Variants in SH3D19 observed in about 807,000 individuals in gnomAD.
SH3D19 encodes the protein SH3 domain-containing protein 19.
In SH3D19, 58 loss-of-function variants were observed where a neutral mutation model predicts 112.1. The ratio of observed to expected loss-of-function variants is 0.52; its 90% CI spans 0.42 to 0.64. The LOEUF (loss-of-function observed/expected upper bound fraction) is 0.64, where lower values mean the gene tolerates loss of function less well. SH3D19 is among the 30% of genes least tolerant of loss of function. The pLI is 0.00. For synonymous variants in SH3D19, 391 were observed against 448.5 expected (o/e 0.87, Z 1.62); for missense variants, 1,090 against 1,263.4 (o/e 0.86, Z 2.08).
intron 1 of SH3D19, among the ~76,000 whole-genome samples, chr4:151,301,281 G>T (rs545768002): frequency 1.7e-4 from 26 of 152,330 alleles, no homozygotes; most frequent in Non-Finnish European, 3.5e-4. Flanking sequence ...AGGCTGGAGC[G>T]CAATGGCGCA....
chr4:151,312,149 T>C (rs1729518592), intron 1 of SH3D19, among the ~76,000 whole-genome samples: 1 of 152,130 alleles, frequency 6.6e-6, no homozygotes, highest in African/African-American at 2.4e-5. Context: ...ATGTTGTACA[T>C]CTTGAATATA....
At chr4:151,205,640 C>T (rs1167848809) in intron 2 of SH3D19, among the ~76,000 whole-genome samples, 1 of 152,120 alleles carries the variant, frequency 6.6e-6, no homozygotes, top group Non-Finnish European at 1.5e-5. Flanking sequence ...TCCAAGATTC[C>T]AATTTAAATT....
At chr4:151,258,996 C>T (rs536719417) in intron 1 of SH3D19, among the ~76,000 whole-genome samples, 2 of 152,190 alleles carry the variant, frequency 1.3e-5, no homozygotes, top group East Asian at 1.9e-4. Flanking sequence ...GGAAAGGCTG[C>T]ACAGGGCATG....
At chr4:151,280,501 C>T (rs1774109488) in intron 1 of SH3D19, among the ~76,000 whole-genome samples, 1 of 152,190 alleles carries the variant, frequency 6.6e-6, no homozygotes, top group South Asian at 2.1e-4. Flanking sequence ...TGATTCCTGA[C>T]CCATAAAAAC....
intron 1 of SH3D19, among the ~76,000 whole-genome samples, chr4:151,288,614 A>G (rs1210768848): frequency 6.6e-6 from 1 of 151,772 alleles, no homozygotes; most frequent in Non-Finnish European, 1.5e-5. Flanking sequence ...GGGCGTAGTG[A>G]GCTGAGATCT....
rs1748072457 is a variant in SH3D19, at chr4:151,122,225, T to C, written c.3028-18A>G. 1 of 1,354,002 alleles carries C rather than the reference T, an allele frequency of 7.4e-7. No individual in the cohort carries two copies. Among genetic ancestry groups the C allele is most frequent in the African/African-American group, 1.4e-5 (1 of 69,652 alleles). The allele number at this position is 1,354,002 out of a possible 1,614,324, so 83.9% of individuals were successfully genotyped here. On this transcript the variant is annotated intron_variant, in intron 19 of 19. Coordinates refer to ENST00000604030, the MANE Select transcript of SH3D19 (RefSeq NM_001378122.1). ...TCTCCAGCCTGTAAGACAAAAGGAGTTAGAATTACTGGTTTCTGTTGAGAA... is the reference window on the plus strand; with the variant it reads ...TCTCCAGCCTGTAAGACAAAAGGAGCTAGAATTACTGGTTTCTGTTGAGAA...
At chr4:151,173,506 C>T (rs570519335) in intron 7 of SH3D19, among the ~76,000 whole-genome samples, 21 of 152,256 alleles carry the variant, frequency 1.4e-4, no homozygotes, top group East Asian at 5.8e-4. Flanking sequence ...AACTCACAGA[C>T]GGTTGTTGCA....
intron 1 of SH3D19, among the ~76,000 whole-genome samples, chr4:151,299,680 T>G (rs1728161074): frequency 6.6e-6 from 1 of 151,778 alleles, no homozygotes; most frequent in Non-Finnish European, 1.5e-5. Flanking sequence ...TTCAATGAAG[T>G]TATTTTAATT....
intron 1 of SH3D19, among the ~76,000 whole-genome samples, chr4:151,248,104 T>A (rs1771077526): frequency 6.8e-6 from 1 of 146,736 alleles, no homozygotes; most frequent in Non-Finnish European, 1.5e-5. Flanking sequence ...AGGTATTTTT[T>A]AATGTTTTAC....
intron 9 of SH3D19, among the ~76,000 whole-genome samples, chr4:151,152,996 C>A (rs566303025): frequency 6.6e-6 from 1 of 150,734 alleles, no homozygotes; most frequent in East Asian, 2.0e-4. Flanking sequence ...CCACCACACC[C>A]GGCTAATTTT....
intron 15 of SH3D19, 93 bp from the exon 16 acceptor site, chr4:151,133,329 G>C: frequency 9.4e-7 from 1 of 1,063,746 alleles, no homozygotes; most frequent in Non-Finnish European, 1.4e-6. Context: ...TATTTATTCT[G>C]GGTTTACCAT....
chr4:151,220,385 G>C (rs1427154235), intron 2 of SH3D19, among the ~76,000 whole-genome samples: 1 of 152,186 alleles, frequency 6.6e-6, no homozygotes, highest in Non-Finnish European at 1.5e-5. Context: ...GACAATTTTT[G>C]AGAAATAGAT....
At chr4:151,245,307 T>C (rs1348181527) in intron 1 of SH3D19, among the ~76,000 whole-genome samples, 1 of 142,884 alleles carries the variant, frequency 7.0e-6, no homozygotes, top group African/African-American at 2.5e-5. Context: ...CCTGATTCAG[T>C]TCCTTGTTAA....
At chr4:151,141,946 T>C (rs1753074913) in intron 12 of SH3D19, among the ~76,000 whole-genome samples, 1 of 152,186 alleles carries the variant, frequency 6.6e-6, no homozygotes, top group Non-Finnish European at 1.5e-5. Flanking sequence ...TGGATATCAC[T>C]GGCAATGCTG....
At chr4:151,192,906 T>G (rs1762862628) in intron 2 of SH3D19, among the ~76,000 whole-genome samples, 1 of 152,110 alleles carries the variant, frequency 6.6e-6, no homozygotes, top group African/African-American at 2.4e-5. Flanking sequence ...ATGTTCTTTA[T>G]AACTACAGCC....
At chr4:151,143,107 C>G (rs1207153005) in intron 12 of SH3D19, among the ~76,000 whole-genome samples, 3 of 152,036 alleles carry the variant, frequency 2.0e-5, no homozygotes, top group African/African-American at 7.2e-5. Context: ...CATGGTGGTG[C>G]ACGCCTGTAG....
chr4:151,265,290 C>T (rs1772685895), intron 1 of SH3D19, among the ~76,000 whole-genome samples: 1 of 150,636 alleles, frequency 6.6e-6, no homozygotes, highest in South Asian at 2.1e-4. Context: ...ATACTTGACA[C>T]TGTGGAAAAT....
At chr4:151,279,985 C>T in intron 1 of SH3D19, 1 of 1,329,746 alleles carries the variant, frequency 7.5e-7, no homozygotes, top group Non-Finnish European at 9.9e-7. Flanking sequence ...AGCTAACACA[C>T]AGACAGGTTC....
At chr4:151,308,174 G>C (rs986415940) in intron 1 of SH3D19, among the ~76,000 whole-genome samples, 1 of 152,146 alleles carries the variant, frequency 6.6e-6, no homozygotes, top group Non-Finnish European at 1.5e-5. Flanking sequence ...CCAAAGTGCT[G>C]GGATTACAAG....
Sources: allele counts gnomAD v4.1 joint callset (sites outside exome capture counted in the v4.1 genomes callset), GRCh38; gene constraint gnomAD v4.1.1; transcripts MANE v1.5; gene names NCBI Gene and HGNC (gene_info 2026-07-23, HGNC 2026-07-21).